GNE: variants seen among roughly 807,000 people sequenced by gnomAD.
GNE encodes the protein bifunctional UDP-N-acetylglucosamine 2-epimerase/N-acetylmannosamine kinase.
A neutral mutation model predicts 61.8 loss-of-function variants in GNE; 41 were observed. That is an observed-to-expected ratio of 0.66 (90% CI 0.52 to 0.86). The LOEUF is 0.86. Ranked by LOEUF, GNE falls within the 40% of genes least tolerant of loss-of-function variation. GNE has a pLI of 0.00. For missense variants in GNE, 608 were observed against 909.1 expected (o/e 0.67, Z 4.26); for synonymous variants, 264 against 326.4 (o/e 0.81, Z 2.06).
At chr9:36,272,964 A>G (rs190236100) in intron 1 of GNE, among the ~76,000 whole-genome samples, 33 of 147,952 alleles carry the variant, frequency 2.2e-4, no homozygotes, top group Non-Finnish European at 3.9e-4. Context: ...GTGCGCCTGT[A>G]GTCCCAGCTA....
chr9:36,220,537 G>C (rs903542362), intron 9 of GNE, among the ~76,000 whole-genome samples: 12 of 152,094 alleles, frequency 7.9e-5, no homozygotes, highest in African/African-American at 2.9e-4. Context: ...CTTCAATAAT[G>C]TTAATATATC....
rs1439645602 is a variant in GNE at position 36,218,746 on chromosome 9, C to T, written c.1817-447G>A. On this transcript the variant is annotated intron_variant, in intron 10 of 11. Transcript: ENST00000642385. This position sits in a 1 kb window ranked among gnomAD's most constrained non-coding sequence, Gnocchi z 4.1. Reference sequence around the variant, plus strand: ...ACAGACACAGGCCTGGGGTCAGTGCCAGCTCTGCCACTCCCAGCTGCATGA... The same window carrying T: ...ACAGACACAGGCCTGGGGTCAGTGCTAGCTCTGCCACTCCCAGCTGCATGA... 6.6e-6 allele frequency among the ~76,000 whole-genome samples: 1 copy of T among 152,244 alleles called. No homozygotes were observed. The highest frequency in any genetic ancestry group is 1.5e-5 in the Non-Finnish European group (1 of 68,042).
rs566524232 is a variant in GNE, at chr9:36,214,895, T to A, written c.*2470A>T. 1 of 152,232 alleles carries A rather than the reference T, an allele frequency of 6.6e-6. No homozygotes were observed. Among genetic ancestry groups the A allele is most frequent in the Admixed American group, 6.5e-5 (1 of 15,286 alleles). The allele number at this position is 152,232 out of a possible 1,614,324, so 9.4% of individuals were successfully genotyped here. A position where few individuals can be genotyped will look rare whatever the true frequency, so the allele number is the denominator to read the frequency against. ...CACTAACCCACTAGGAAGGATATAG[T>A]TCAAATGTAATGTTGAGTCCTTCAG... On this transcript the variant is annotated 3_prime_UTR_variant, in exon 12 of 12. Transcript: ENST00000642385.
At chr9:36,226,080 A>T (rs947608802) in intron 7 of GNE, among the ~76,000 whole-genome samples, 1 of 152,156 alleles carries the variant, frequency 6.6e-6, no homozygotes, top group African/African-American at 2.4e-5. Context: ...CTTGATTTCA[A>T]TGGGAATGCC....
Position 36,227,460 on chromosome 9 carries a change from T to G in GNE, c.1071-2A>C, listed in dbSNP as rs1828930645. On this transcript the variant is annotated splice_acceptor_variant, in intron 6 of 11. Transcript: ENST00000642385. LOFTEE classifies it high-confidence loss of function. Reference sequence around the variant, plus strand: ...TTTCCATCCCCATATATCTTTGAACTGCAATATACAAAAAGTCAATTAAAT... The same window carrying G: ...TTTCCATCCCCATATATCTTTGAACGGCAATATACAAAAAGTCAATTAAAT... The G allele has an allele frequency of 1.9e-6, 3 of 1,570,212 alleles. No homozygotes were observed. The highest frequency in any genetic ancestry group is 1.3e-5 in the African/African-American group (1 of 74,114).
At chr9:36,245,255 C>T (rs1829821098) in intron 3 of GNE, among the ~76,000 whole-genome samples, 1 of 151,940 alleles carries the variant, frequency 6.6e-6, no homozygotes, top group South Asian at 2.1e-4. Context: ...CAGAGCAAGA[C>T]TCTGTCTCAA....
chr9:36,271,653 C>T (rs1222915100), intron 1 of GNE, among the ~76,000 whole-genome samples: 3 of 152,246 alleles, frequency 2.0e-5, no homozygotes, highest in African/African-American at 4.8e-5. Flanking sequence ...GGATTACAGG[C>T]GTGAGCCACC....
At chr9:36,270,567 T>G (rs4879971) in intron 1 of GNE, among the ~76,000 whole-genome samples, 116,269 of 148,576 alleles carry the variant, frequency 0.78, 46,069 homozygotes, top group African/African-American at 0.85. Flanking sequence ...GCCCAGGCCG[T>G]ACTGCAGTGG....
intron 1 of GNE, chr9:36,276,801 T>G: frequency 1.0e-6 from 1 of 960,772 alleles, no homozygotes; most frequent in Non-Finnish European, 1.6e-6. Context: ...AAACCAAAGC[T>G]TTCCTCTTCC....
intron 4 of GNE, among the ~76,000 whole-genome samples, chr9:36,234,535 CA>C (rs1387765483): frequency 6.6e-6 from 1 of 152,148 alleles, no homozygotes; most frequent in Non-Finnish European, 1.5e-5. Context: ...TGCCCAGCTA[CA>C]CTCACCTTTA....
chr9:36,233,869 C>A lies in GNE; in HGVS notation c.982+51G>T, dbSNP rs774310772. ...CTGATATATGCATACCTTATAACAACTCACGTATGTATAAAGCCTAGTCAG... is the reference window on the plus strand; with the variant it reads ...CTGATATATGCATACCTTATAACAAATCACGTATGTATAAAGCCTAGTCAG... On this transcript the variant is annotated intron_variant, in intron 5 of 11. Coordinates refer to ENST00000642385, the MANE Select transcript of GNE (RefSeq NM_005476.7). 6.0e-6 allele frequency: 8 copies of A among 1,343,282 alleles called. No individual in the cohort carries two copies. The East Asian group carries it at 1.8e-4, about 31-fold the overall frequency. 83.2% of individuals were successfully genotyped at this position (1,343,282 alleles called of 1,614,324 possible). A position where few individuals can be genotyped will look rare whatever the true frequency, so the allele number is the denominator to read the frequency against.
At chr9:36,271,039 T>G (rs1402969304) in intron 1 of GNE, among the ~76,000 whole-genome samples, 1 of 152,204 alleles carries the variant, frequency 6.6e-6, no homozygotes, top group African/African-American at 2.4e-5. Flanking sequence ...CGTTAAGACT[T>G]TAAGAAAAAC....
chr9:36,217,204 G>T lies in GNE; in HGVS notation c.*161C>A. ...ATCTACAAAAATAGGAGTGGGGAAA[G>T]GTGACTCTGGAAGAGGAGACCAAAA... On this transcript the variant is annotated 3_prime_UTR_variant, in exon 12 of 12. Coordinates refer to ENST00000642385, the MANE Select transcript of GNE (RefSeq NM_005476.7). 1 of 670,152 alleles carries T rather than the reference G, an allele frequency of 1.5e-6. No individual in the cohort carries two copies. The highest frequency in any genetic ancestry group is 2.7e-6 in the Non-Finnish European group (1 of 369,726). The allele number at this position is 670,152 out of a possible 1,614,324, so 41.5% of individuals were successfully genotyped here.
intron 1 of GNE, among the ~76,000 whole-genome samples, chr9:36,257,909 G>C: frequency 6.7e-6 from 1 of 149,896 alleles, no homozygotes. Context: ...TAGACTCAGA[G>C]CAGGGAGGGG....
At chr9:36,224,230 C>T (rs935392779) in intron 7 of GNE, among the ~76,000 whole-genome samples, 1 of 151,392 alleles carries the variant, frequency 6.6e-6, no homozygotes, top group African/African-American at 2.4e-5. Flanking sequence ...TCGCTTGGGC[C>T]CAGGAGTTTA....
chr9:36,269,332 T>A (rs966108966), intron 1 of GNE, among the ~76,000 whole-genome samples: 3 of 151,886 alleles, frequency 2.0e-5, no homozygotes, highest in Non-Finnish European at 4.4e-5. Flanking sequence ...ACTCATTCTT[T>A]CAGAAATTGG....
In GNE at chr9:36,218,953, C is replaced by G. The variant is rs558348700; in HGVS notation, c.1817-654G>C. ...GGTATTTCTGTGGTTATCTGTAGTC[C>G]TTGTCTTCTGCCCGTCACCAACTCA... is the stretch of plus-strand genomic sequence containing the variant. On this transcript the variant is annotated intron_variant, in intron 10 of 11. Transcript: ENST00000642385. The surrounding 1 kb of genome is among the most constrained non-coding windows in gnomAD (Gnocchi z 4.1). 2.0e-5 allele frequency among the ~76,000 whole-genome samples: 3 copies of G among 152,188 alleles called. No individual in the cohort carries two copies. Among genetic ancestry groups the G allele is most frequent in the Non-Finnish European group, 2.9e-5 (2 of 68,030 alleles).
At chr9:36,239,377 C>T (rs902281152) in intron 3 of GNE, among the ~76,000 whole-genome samples, 2 of 152,036 alleles carry the variant, frequency 1.3e-5, no homozygotes, top group African/African-American at 2.4e-5. Context: ...GGATGTGTTT[C>T]GCAGTATCAG....
At chr9:36,230,757 TC>T (rs1433491015) in intron 5 of GNE, among the ~76,000 whole-genome samples, 1 of 151,786 alleles carries the variant, frequency 6.6e-6, no homozygotes, top group Non-Finnish European at 1.5e-5. Flanking sequence ...CCTCCTGGGT[TC>T]ACGCTAAAAT....
Sources: gnomAD v4.1 joint callset for allele counts (sites outside exome capture counted in the v4.1 genomes callset) on GRCh38, gnomAD v4.1.1 for gene constraint, Gnocchi (gnomAD v3.1) non-coding constraint, MANE v1.5 for transcripts, NCBI Gene and HGNC (gene_info 2026-07-23, HGNC 2026-07-21) for gene names.